PEAK1: variants seen among roughly 807,000 people sequenced by gnomAD.
PEAK1 encodes pseudopodium enriched atypical kinase 1, also known as inactive tyrosine-protein kinase PEAK1.
Under a neutral mutation model 124.7 loss-of-function variants are expected in PEAK1, and 54 were observed. The observed-to-expected ratio is 0.43, with a 90% CI of 0.35 to 0.54. PEAK1 has a LOEUF of 0.54. Ranked by LOEUF, PEAK1 falls within the 20% of genes least tolerant of loss-of-function variation. PEAK1 has a pLI of 0.01. For missense variants in PEAK1, 2,046 were observed against 2,134.5 expected (o/e 0.96, Z 0.82); for synonymous variants, 719 against 760.0 (o/e 0.95, Z 0.89).
At chr15:77,356,050 G>A (rs2067499260) in intron 2 of PEAK1, 7 of 562,836 alleles carry the variant, frequency 1.2e-5, no homozygotes, top group Non-Finnish European at 1.6e-5. Flanking sequence ...ATGTGCACAC[G>A]ACCTGGCCCC....
At chr15:77,338,169 G>A in intron 2 of PEAK1, 1 of 918,438 alleles carries the variant, frequency 1.1e-6, no homozygotes. Context: ...GACAATGGGA[G>A]TAGCCTTCTC....
intron 2 of PEAK1, chr15:77,345,881 A>G (rs1180891723): frequency 3.7e-5 from 36 of 970,240 alleles, no homozygotes; most frequent in African/African-American, 5.3e-5. Context: ...TTACATATCA[A>G]TAAGTAATTT....
intron 6 of PEAK1, among the ~76,000 whole-genome samples, chr15:77,236,026 A>G (rs12148274): frequency 0.36 from 55,032 of 152,150 alleles, 10,103 homozygotes; most frequent in Non-Finnish European, 0.38. Context: ...ACACTCGGAT[A>G]TCCAGGCAGA....
At chr15:77,294,849 C>T (rs1358281172) in intron 2 of PEAK1, among the ~76,000 whole-genome samples, 1 of 151,858 alleles carries the variant, frequency 6.6e-6, no homozygotes, top group Non-Finnish European at 1.5e-5. Flanking sequence ...ATATTTATAC[C>T]TCATTAAGGA....
chr15:77,158,932 A>G (rs2055391523), intron 7 of PEAK1, among the ~76,000 whole-genome samples: 1 of 152,236 alleles, frequency 6.6e-6, no homozygotes, highest in South Asian at 2.1e-4. Flanking sequence ...GAACTTGAGA[A>G]TAACAGTCAA....
At chr15:77,341,392 C>T (rs193034958) in intron 2 of PEAK1, among the ~76,000 whole-genome samples, 74 of 151,926 alleles carry the variant, frequency 4.9e-4, no homozygotes, top group African/African-American at 1.6e-3. Flanking sequence ...CCCAGCTCCT[C>T]GGGAGGCTGA....
At chr15:77,124,407 C>T (rs2052194122) in intron 9 of PEAK1, among the ~76,000 whole-genome samples, 1 of 152,206 alleles carries the variant, frequency 6.6e-6, no homozygotes, top group Non-Finnish European at 1.5e-5. Flanking sequence ...CTTGGCTGCC[C>T]TATGGGCATA....
intron 5 of PEAK1, among the ~76,000 whole-genome samples, chr15:77,276,521 T>A (rs1384656649): frequency 6.6e-6 from 1 of 151,690 alleles, no homozygotes; most frequent in Non-Finnish European, 1.5e-5. Flanking sequence ...AAGAAAAAAA[T>A]AAAAATATTT....
intron 1 of PEAK1, chr15:77,371,360 GAAGAT>G (rs2068628390): frequency 1.5e-5 from 14 of 920,138 alleles, no homozygotes; most frequent in Middle Eastern, 5.5e-4. Context: ...AAAGTAGAGA[GAAGAT>G]AAGGAACATT....
At chr15:77,366,130 C>G (rs2068221029) in intron 1 of PEAK1, among the ~76,000 whole-genome samples, 2 of 152,144 alleles carry the variant, frequency 1.3e-5, no homozygotes, top group Non-Finnish European at 2.9e-5. Context: ...CTTCTCCTTA[C>G]CAGACTCATG....
At chr15:77,362,908 T>A (rs1402117876) in intron 2 of PEAK1, among the ~76,000 whole-genome samples, 2 of 152,078 alleles carry the variant, frequency 1.3e-5, no homozygotes, top group Non-Finnish European at 2.9e-5. Context: ...CAGGCTGGAG[T>A]GCAATAGTGT....
rs1381300382 is a variant in PEAK1, at chr15:77,132,983, G to A, written c.4077+22C>T. The A allele has an allele frequency of 1.9e-6, 3 of 1,586,576 alleles. No individual in the cohort carries two copies. In the African/African-American group the frequency reaches 4.1e-5, roughly 21 times the overall value. ...CAATGTAGTGGTTAAGACTTAACAT[G>A]AGATTTATAATATTTTCTTACCTTG... is the stretch of plus-strand genomic sequence containing the variant. On this transcript the variant is annotated intron_variant, in intron 9 of 9. Coordinates refer to ENST00000682557, the MANE Select transcript of PEAK1 (RefSeq NM_001385026.1).
chr15:77,266,041 G>T (rs1186106415), intron 5 of PEAK1, among the ~76,000 whole-genome samples: 1 of 151,342 alleles, frequency 6.6e-6, no homozygotes, highest in Non-Finnish European at 1.5e-5. Flanking sequence ...TCATAGGTGG[G>T]AACTGAACAA....
intron 1 of PEAK1, among the ~76,000 whole-genome samples, chr15:77,408,154 T>TACACACACACAC (rs55866391): frequency 1.4e-5 from 2 of 144,352 alleles, no homozygotes; most frequent in African/African-American, 5.2e-5. Flanking sequence ...CATATATACA[T>TACACACACACAC]ACACACACAC....
chr15:77,330,168 C>T (rs950639783), intron 2 of PEAK1, among the ~76,000 whole-genome samples: 9 of 152,062 alleles, frequency 5.9e-5, no homozygotes, highest in Non-Finnish European at 1.2e-4. Context: ...ACACAAATCA[C>T]TAGCAATACT....
At chr15:77,128,140 A>G (rs568514051) in intron 9 of PEAK1, among the ~76,000 whole-genome samples, 2 of 152,110 alleles carry the variant, frequency 1.3e-5, no homozygotes, top group Non-Finnish European at 2.9e-5. Flanking sequence ...TGGCTAAACA[A>G]CTATTTGATA....
At chr15:77,191,770 T>C (rs1420244663) in intron 6 of PEAK1, among the ~76,000 whole-genome samples, 1 of 152,116 alleles carries the variant, frequency 6.6e-6, no homozygotes, top group Non-Finnish European at 1.5e-5. Context: ...TGAAAGGTAA[T>C]GTAGTTGTTT....
rs2066109071 is a variant in PEAK1 at position 77,334,978 on chromosome 15, T to C, written c.-603+30185A>G. The stretch of plus-strand genomic sequence containing the variant: ...TCTCAACAGATTGCTAGTTGAGCTA[T>C]CCAGCAATCTGAACAGGGTTTGAGG... On this transcript the variant is annotated intron_variant, in intron 2 of 9. Transcript: ENST00000682557. 4 of 985,420 alleles carry C rather than the reference T, an allele frequency of 4.1e-6. No homozygotes were observed. In the South Asian group the frequency reaches 1.9e-4, roughly 46 times the overall value. 61.0% of individuals were successfully genotyped at this position (985,420 alleles called of 1,614,324 possible).
chr15:77,104,408 C>A (rs2050725970), downstream of PEAK1: 1 of 152,536 alleles, frequency 6.6e-6, no homozygotes, highest in East Asian at 1.9e-4. Flanking sequence ...CACACACACA[C>A]CAGGCCAGGA....
Sources: allele counts gnomAD v4.1 joint callset (sites outside exome capture counted in the v4.1 genomes callset), GRCh38; gene constraint gnomAD v4.1.1; transcripts MANE v1.5; gene names NCBI Gene and HGNC (gene_info 2026-07-23, HGNC 2026-07-21).